CDH18: variants seen among roughly 807,000 people sequenced by gnomAD.
CDH18 encodes cadherin-18.
CDH18 carries 31 observed loss-of-function variants against 67.9 expected under a neutral mutation model. The observed-to-expected ratio is 0.46, with a 90% CI of 0.34 to 0.62. The LOEUF is 0.62. Ranked by LOEUF, CDH18 falls within the 20% of genes least tolerant of loss-of-function variation. CDH18 has a pLI of 0.01. For missense variants in CDH18, 890 were observed against 975.5 expected, an observed-to-expected ratio of 0.91 and a Z score of 1.17; for synonymous variants, 362 against 347.2, an observed-to-expected ratio of 1.04 and a Z score of -0.48.
At chr5:19,591,726 T>C (rs1745170647) in intron 6 of CDH18, among the ~76,000 whole-genome samples, 1 of 152,068 alleles carries the variant, frequency 6.6e-6, no homozygotes, top group Non-Finnish European at 1.5e-5. Context: ...ATTATTTTTA[T>C]CAAGAATAGT....
chr5:20,098,553 T>C (rs1746184312), intron 2 of CDH18, among the ~76,000 whole-genome samples: 1 of 152,094 alleles, frequency 6.6e-6, no homozygotes, highest in Non-Finnish European at 1.5e-5. Flanking sequence ...TTTTAGATTT[T>C]TACATTTTAT....
At chr5:20,560,434 T>C (rs896079213) in intron 1 of CDH18, among the ~76,000 whole-genome samples, 1 of 149,884 alleles carries the variant, frequency 6.7e-6, no homozygotes, top group African/African-American at 2.5e-5. Flanking sequence ...AATCATCTAA[T>C]GACTTTAACC....
intron 2 of CDH18, among the ~76,000 whole-genome samples, chr5:20,021,363 A>G (rs1480706567): frequency 6.6e-6 from 1 of 152,152 alleles, no homozygotes; most frequent in Non-Finnish European, 1.5e-5. Context: ...TTTGCAATGT[A>G]TGAAGGACAT....
intron 5 of CDH18, among the ~76,000 whole-genome samples, chr5:19,706,024 A>G (rs183899961): frequency 2.4e-4 from 37 of 152,290 alleles, no homozygotes; most frequent in Admixed American, 7.8e-4. Context: ...AGTTTTCCAG[A>G]CGCCCTATAC....
At chr5:20,459,433 C>T (rs1237919691) in intron 1 of CDH18, among the ~76,000 whole-genome samples, 1 of 152,156 alleles carries the variant, frequency 6.6e-6, no homozygotes, top group African/African-American at 2.4e-5. Context: ...AGGGGAGCAT[C>T]CCCTGCTCTC....
intron 2 of CDH18, among the ~76,000 whole-genome samples, chr5:20,062,158 T>TATTATTATTATTATTA (rs1554085604): frequency 1.1e-4 from 16 of 147,456 alleles, no homozygotes; most frequent in Non-Finnish European, 1.5e-4. Context: ...TTATTATTAT[T>TATTATTATTATTATTA]ATTATTATTA....
At chr5:19,830,871 T>A (rs745461670) in intron 3 of CDH18, among the ~76,000 whole-genome samples, 2 of 151,996 alleles carry the variant, frequency 1.3e-5, no homozygotes, top group Non-Finnish European at 2.9e-5. Context: ...ATGTATGAGA[T>A]CACATCCTTT....
intron 1 of CDH18, among the ~76,000 whole-genome samples, chr5:20,308,143 A>C (rs551227341): frequency 6.6e-5 from 9 of 135,756 alleles, no homozygotes; most frequent in Non-Finnish European, 1.4e-4. Context: ...AACTCTTTAC[A>C]GTTTAAATTT....
intron 1 of CDH18, among the ~76,000 whole-genome samples, chr5:20,288,579 A>C (rs1312147086): frequency 4.0e-5 from 6 of 151,850 alleles, no homozygotes; most frequent in Admixed American, 3.3e-4. Flanking sequence ...CATGACATCA[A>C]AATAATTTGA....
chr5:20,023,982 G>A (rs184491144), intron 2 of CDH18, among the ~76,000 whole-genome samples: 3 of 152,298 alleles, frequency 2.0e-5, no homozygotes, highest in Non-Finnish European at 4.4e-5. Flanking sequence ...CTGCAGTAGA[G>A]TCTGGGAAAT....
intron 1 of CDH18, among the ~76,000 whole-genome samples, chr5:20,357,968 C>T (rs1741771258): frequency 6.6e-6 from 1 of 151,928 alleles, no homozygotes; most frequent in African/African-American, 2.4e-5. Flanking sequence ...ACTATGCAGC[C>T]ATAAAAAATG....
chr5:20,493,356 TAAAAAAAAAAA>T lies in CDH18; in HGVS notation c.-580+82095_-580+82105del, dbSNP rs148292031. Among the ~76,000 whole-genome samples, 30 of 47,208 alleles carry T rather than the reference TAAAAAAAAAAA, an allele frequency of 6.4e-4. 1 individual carries two copies. The highest frequency in any genetic ancestry group is 3.1e-3 in the East Asian group (3 of 978). 31.0% of individuals were successfully genotyped at this position (47,208 alleles called of 152,430 possible). The stretch of plus-strand genomic sequence containing the variant: ...AGGGCAAGACTCTGTTTCAGAAAAT[TAAAAAAAAAAA>T]AAAAAAAAAAAAAAAAAAGCAAAGA... On this transcript the variant is annotated intron_variant, in intron 1 of 14. Transcript: ENST00000507958.
chr5:20,243,678 TC>T lies in CDH18; in HGVS notation c.-518+11765del, dbSNP rs1407189502. ...CAAAAAGCCAATTTTTTTATTATGG[TC>T]TTTTGAACTTTTATGATTATACAAT... On this transcript the variant is annotated intron_variant, in intron 2 of 14. Coordinates refer to the CDH18 transcript ENST00000507958. Among the ~76,000 whole-genome samples the T allele has an allele frequency of 3.5e-4, 54 of 152,228 alleles. 1 individual carries two copies. Among genetic ancestry groups the T allele is most frequent in the African/African-American group, 1.2e-3 (51 of 41,558 alleles).
chr5:20,324,723 A>G (rs143189288), intron 1 of CDH18, among the ~76,000 whole-genome samples: 2 of 152,334 alleles, frequency 1.3e-5, no homozygotes, highest in African/African-American at 4.8e-5. Flanking sequence ...TATGTTGTTT[A>G]CAGTCCAAAG....
chr5:19,779,125 T>C (rs768932603), intron 3 of CDH18, among the ~76,000 whole-genome samples: 37 of 152,132 alleles, frequency 2.4e-4, no homozygotes, highest in Non-Finnish European at 5.3e-4. Context: ...TACTATGCCA[T>C]TTAATAGAGG....
intron 2 of CDH18, among the ~76,000 whole-genome samples, chr5:19,999,458 C>A (rs1201668685): frequency 6.6e-6 from 1 of 152,166 alleles, no homozygotes; most frequent in African/African-American, 2.4e-5. Flanking sequence ...CAAGATTAGC[C>A]GGGCATGGTG....
chr5:20,469,183 T>C (rs1235690221), intron 1 of CDH18, among the ~76,000 whole-genome samples: 1 of 152,158 alleles, frequency 6.6e-6, no homozygotes, highest in East Asian at 1.9e-4. Context: ...TTCAAGGGAC[T>C]TTGCTCAAGA....
At chr5:19,533,119 G>A (rs1376306745) in intron 9 of CDH18, among the ~76,000 whole-genome samples, 1 of 152,178 alleles carries the variant, frequency 6.6e-6, no homozygotes, top group African/African-American at 2.4e-5. Context: ...CATTTAAAGT[G>A]TAAAACTTGG....
At chr5:19,699,843 C>T (rs78303066) in intron 5 of CDH18, among the ~76,000 whole-genome samples, 5,982 of 151,996 alleles carry the variant, frequency 0.039, 383 homozygotes, top group African/African-American at 0.14. Context: ...TTAATAGCAG[C>T]CCAAACTGGG....
Sources: allele counts gnomAD v4.1 joint callset (sites outside exome capture counted in the v4.1 genomes callset), GRCh38; gene constraint gnomAD v4.1.1; transcripts MANE v1.5; gene names NCBI Gene and HGNC (gene_info 2026-07-23, HGNC 2026-07-21).